The following SNTB1 variants were observed in gnomAD, a reference collection of about 807,000 sequenced individuals.
The protein encoded by SNTB1 is syntrophin beta 1, also known as beta-1-syntrophin.
Under a neutral mutation model 48.9 loss-of-function variants are expected in SNTB1, and 36 were observed. The ratio of observed to expected loss-of-function variants is 0.74; its 90% CI spans 0.56 to 0.97. The LOEUF (loss-of-function observed/expected upper bound fraction) is 0.97, where lower values mean the gene tolerates loss of function less well. Ranked by LOEUF, SNTB1 falls within the 50% of genes least tolerant of loss-of-function variation. The pLI, the probability that SNTB1 is intolerant of heterozygous loss-of-function variation, is 0.00. For synonymous variants in SNTB1, 299 were observed against 294.6 expected (o/e 1.01, Z -0.15); for missense variants, 786 against 703.4 (o/e 1.12, Z -1.33).
chr8:120,651,899 T>C (rs1051350244), intron 2 of SNTB1, among the ~76,000 whole-genome samples: 8 of 152,166 alleles, frequency 5.3e-5, no homozygotes, highest in African/African-American at 1.9e-4. Context: ...ATATCACTGA[T>C]GTAAAAACAA....
chr8:120,780,510 T>A (rs562346946), intron 1 of SNTB1, among the ~76,000 whole-genome samples: 1 of 152,232 alleles, frequency 6.6e-6, no homozygotes, highest in South Asian at 2.1e-4. Context: ...CCTGACATTA[T>A]GGATGATAAT....
At chr8:120,603,740 C>T (rs1816464349) in intron 3 of SNTB1, among the ~76,000 whole-genome samples, 1 of 152,206 alleles carries the variant, frequency 6.6e-6, no homozygotes, top group Non-Finnish European at 1.5e-5. Flanking sequence ...ATGTCACCCA[C>T]AGGTCCTGTG....
chr8:120,709,274 G>A (rs1818424763), intron 1 of SNTB1, among the ~76,000 whole-genome samples: 1 of 151,974 alleles, frequency 6.6e-6, no homozygotes, highest in African/African-American at 2.4e-5. Context: ...ATAAAATCAG[G>A]GAAACTACCT....
At chr8:120,578,178 C>A (rs1285585179) in intron 3 of SNTB1, among the ~76,000 whole-genome samples, 1 of 151,262 alleles carries the variant, frequency 6.6e-6, no homozygotes, top group East Asian at 1.9e-4. Context: ...GGACTACAGG[C>A]GCCCGCCATC....
At chr8:120,767,324 C>T (rs1438828958) in intron 1 of SNTB1, among the ~76,000 whole-genome samples, 2 of 152,098 alleles carry the variant, frequency 1.3e-5, no homozygotes, top group Non-Finnish European at 2.9e-5. Flanking sequence ...TCTGGGGACC[C>T]CTGCATTGGG....
At chr8:120,559,246 G>A (rs1345272378) in intron 4 of SNTB1, among the ~76,000 whole-genome samples, 1 of 152,132 alleles carries the variant, frequency 6.6e-6, no homozygotes, top group Non-Finnish European at 1.5e-5. Context: ...TCTATCTTTA[G>A]TGACTGGTGT....
At chr8:120,547,126 G>A (rs1411339795) in intron 5 of SNTB1, among the ~76,000 whole-genome samples, 1 of 152,148 alleles carries the variant, frequency 6.6e-6, no homozygotes, top group Non-Finnish European at 1.5e-5. Flanking sequence ...GGAAATGGAA[G>A]GATTGGATGA....
chr8:120,808,702 T>C (rs1820378699), intron 1 of SNTB1, among the ~76,000 whole-genome samples: 1 of 152,194 alleles, frequency 6.6e-6, no homozygotes, highest in Admixed American at 6.5e-5. Flanking sequence ...GTTAATTCTG[T>C]GGCGGAATCT....
chr8:120,597,985 C>T lies in SNTB1; in HGVS notation c.997-22760G>A, dbSNP rs1339105904. ...ATTAAGAGTTTCTTGGTAGATTTTCCAACTACAAAAGTCTTCATTAATTCC... is the reference window on the plus strand; with the variant it reads ...ATTAAGAGTTTCTTGGTAGATTTTCTAACTACAAAAGTCTTCATTAATTCC... On this transcript the variant is annotated intron_variant, in intron 3 of 6. Transcript: ENST00000517992. Among the ~76,000 whole-genome samples the T allele has an allele frequency of 2.0e-5, 3 of 152,116 alleles. No homozygotes were observed. In the East Asian group the frequency reaches 5.8e-4, roughly 29 times the overall value.
At chr8:120,739,587 A>G (rs1405580112) in intron 1 of SNTB1, among the ~76,000 whole-genome samples, 1 of 152,214 alleles carries the variant, frequency 6.6e-6, no homozygotes, top group Non-Finnish European at 1.5e-5. Flanking sequence ...TTAATGGTAG[A>G]TGGGAAATAT....
At chr8:120,749,726 C>T (rs1300254075) in intron 1 of SNTB1, among the ~76,000 whole-genome samples, 1 of 152,106 alleles carries the variant, frequency 6.6e-6, no homozygotes, top group African/African-American at 2.4e-5. Context: ...TACATTTCCG[C>T]TGCAAGTCTA....
intron 3 of SNTB1, among the ~76,000 whole-genome samples, chr8:120,606,731 T>C (rs1252057796): frequency 6.6e-6 from 1 of 152,200 alleles, no homozygotes; most frequent in Non-Finnish European, 1.5e-5. Context: ...CATGACCATG[T>C]AGAGAAAAGT....
At chr8:120,686,848 T>C (rs985634062) in intron 2 of SNTB1, among the ~76,000 whole-genome samples, 1 of 152,212 alleles carries the variant, frequency 6.6e-6, no homozygotes, top group African/African-American at 2.4e-5. Context: ...TATTTTTTTC[T>C]GTTTCCAAAA....
chr8:120,620,401 C>T (rs1326182712), intron 3 of SNTB1, among the ~76,000 whole-genome samples: 1 of 152,150 alleles, frequency 6.6e-6, no homozygotes, highest in African/African-American at 2.4e-5. Flanking sequence ...AAAAGTCACT[C>T]AACCAGTAAG....
At chr8:120,605,295 T>C (rs1816495508) in intron 3 of SNTB1, among the ~76,000 whole-genome samples, 2 of 152,238 alleles carry the variant, frequency 1.3e-5, no homozygotes, top group African/African-American at 4.8e-5. Context: ...GTCATTGTGC[T>C]ACTCCCATAA....
chr8:120,639,335 G>A (rs1433644210), intron 2 of SNTB1, among the ~76,000 whole-genome samples: 1 of 151,978 alleles, frequency 6.6e-6, no homozygotes, highest in East Asian at 1.9e-4. Flanking sequence ...CCATTTTGTA[G>A]GTTGCCTGTT....
intron 2 of SNTB1, among the ~76,000 whole-genome samples, chr8:120,692,828 T>C (rs1464867405): frequency 1.3e-5 from 2 of 152,208 alleles, no homozygotes; most frequent in Admixed American, 6.5e-5. Flanking sequence ...TAATAAGAAA[T>C]ATTACTATTG....
chr8:120,682,762 G>C (rs995873778), intron 2 of SNTB1, among the ~76,000 whole-genome samples: 2 of 152,068 alleles, frequency 1.3e-5, no homozygotes, highest in Non-Finnish European at 2.9e-5. Flanking sequence ...TAGATACATA[G>C]ATAGCTGAAA....
intron 2 of SNTB1, among the ~76,000 whole-genome samples, chr8:120,659,784 T>C (rs371770874): frequency 7.9e-5 from 12 of 152,208 alleles, no homozygotes; most frequent in African/African-American, 2.7e-4. Flanking sequence ...CCTTCACTCA[T>C]GATCACATCT....
Sources: gnomAD v4.1 joint callset for allele counts (sites outside exome capture counted in the v4.1 genomes callset) on GRCh38, gnomAD v4.1.1 for gene constraint, MANE v1.5 for transcripts, NCBI Gene and HGNC (gene_info 2026-07-23, HGNC 2026-07-21) for gene names.